The following RTF1 variants were observed in gnomAD, a reference collection of about 807,000 sequenced individuals.
RTF1 encodes RNA polymerase-associated protein RTF1 homolog.
A neutral mutation model predicts 95.7 loss-of-function variants in RTF1; 10 were observed. The ratio of observed to expected loss-of-function variants is 0.10; its 90% CI spans 0.06 to 0.18. The LOEUF (loss-of-function observed/expected upper bound fraction) is 0.18, where lower values mean the gene tolerates loss of function less well. RTF1 is among the 10% of genes least tolerant of loss of function. The pLI is 1.00. For missense variants in RTF1, 458 were observed against 875.6 expected (o/e 0.52, Z 6.02); for synonymous variants, 305 against 311.8 (o/e 0.98, Z 0.23).
intron 2 of RTF1, among the ~76,000 whole-genome samples, chr15:41,444,520 C>T (rs929375088): frequency 1.7e-4 from 26 of 152,154 alleles, no homozygotes; most frequent in African/African-American, 6.0e-4. Flanking sequence ...GTGTTGAACT[C>T]CTGAGCTCAG....
intron 2 of RTF1, among the ~76,000 whole-genome samples, chr15:41,443,815 C>G (rs2050747240): frequency 6.6e-6 from 1 of 151,982 alleles, no homozygotes; most frequent in Non-Finnish European, 1.5e-5. Flanking sequence ...CGCCTGTAAT[C>G]TCAGCACTTT....
chr15:41,426,462 T>C (rs931005810), intron 1 of RTF1, among the ~76,000 whole-genome samples: 5 of 151,846 alleles, frequency 3.3e-5, no homozygotes, highest in Admixed American at 1.3e-4. Flanking sequence ...TGCGCCACCA[T>C]GCCTGACTAA....
At chr15:41,418,629 G>A (rs992213710) in intron 1 of RTF1, among the ~76,000 whole-genome samples, 16 of 152,006 alleles carry the variant, frequency 1.1e-4, no homozygotes, top group African/African-American at 3.9e-4. Flanking sequence ...TGACCAACAT[G>A]GAGAAACCCC....
Position 41,427,234 on chromosome 15 carries a change from C to T in RTF1, c.198+9921C>T, listed in dbSNP as rs569344467. Among the ~76,000 whole-genome samples the T allele has an allele frequency of 1.1e-3, 160 of 149,146 alleles. 1 individual carries two copies. The highest frequency in any genetic ancestry group is 1.2e-3 in the Non-Finnish European group (78 of 67,650). On this transcript the variant is annotated intron_variant, in intron 1 of 17. Transcript: ENST00000389629. ...TGGTGCGATCTCGGCTCACTGCAAG[C>T]TCCGCCTCCCGGGTTCACGCCATTC... is the stretch of plus-strand genomic sequence containing the variant.
chr15:41,423,638 G>A (rs1389816723), intron 1 of RTF1, among the ~76,000 whole-genome samples: 5 of 152,206 alleles, frequency 3.3e-5, no homozygotes, highest in Non-Finnish European at 7.4e-5. Flanking sequence ...CAAAGTGCTG[G>A]GATTACAGGG....
In RTF1 at chr15:41,483,375, C is replaced by T. The variant is rs1334250447; in HGVS notation, c.*2688C>T. 6.6e-6 allele frequency: 1 copy of T among 152,606 alleles called. No individual in the cohort carries two copies. The highest frequency in any genetic ancestry group is 1.5e-5 in the Non-Finnish European group (1 of 68,050). The allele number at this position is 152,606 out of a possible 1,614,324, so 9.5% of individuals were successfully genotyped here. ...CAGTTCCTTCCAAGAAGCAAAAAGG[C>T]CAGTGTCCATCTGCCTAGTTCATAA... On this transcript the variant is annotated 3_prime_UTR_variant, in exon 18 of 18. Coordinates refer to ENST00000389629, the MANE Select transcript of RTF1 (RefSeq NM_015138.5).
chr15:41,474,796 C>A, intron 9 of RTF1, 94 bp downstream of exon 9: 3 of 904,488 alleles, frequency 3.3e-6, no homozygotes, highest in Non-Finnish European at 5.6e-6. Context: ...TCCTTGTTAC[C>A]ATGAACGCTA....
chr15:41,424,209 A>G (rs1483661254), intron 1 of RTF1, among the ~76,000 whole-genome samples: 1 of 152,188 alleles, frequency 6.6e-6, no homozygotes, highest in Admixed American at 6.6e-5. Flanking sequence ...TTTCCTTACA[A>G]TTGCACTACA....
chr15:41,475,685 TA>T, intron 10 of RTF1, 26 bp from the exon 11 acceptor site: 11 of 1,598,950 alleles, frequency 6.9e-6, no homozygotes, highest in Non-Finnish European at 9.4e-6. Context: ...CCCTTACTAA[TA>T]ATCTCGTATC....
intron 2 of RTF1, among the ~76,000 whole-genome samples, chr15:41,447,785 AT>A (rs1440987413): frequency 6.6e-6 from 1 of 151,880 alleles, no homozygotes; most frequent in Non-Finnish European, 1.5e-5. Context: ...GTGGGTGCTC[AT>A]TTTCTCATTC....
chr15:41,451,082 T>A (rs1295529999), intron 2 of RTF1, among the ~76,000 whole-genome samples: 2 of 152,122 alleles, frequency 1.3e-5, no homozygotes, highest in African/African-American at 4.8e-5. Context: ...GAACTACACC[T>A]CTACCCAACC....
chr15:41,457,332 G>A (rs548921894), intron 3 of RTF1, among the ~76,000 whole-genome samples: 5 of 152,244 alleles, frequency 3.3e-5, no homozygotes, highest in East Asian at 1.9e-4. Flanking sequence ...TCAGGAGTTC[G>A]AGACCAGCCT....
At chr15:41,443,128 G>A (rs1209096352) in intron 2 of RTF1, among the ~76,000 whole-genome samples, 1 of 152,140 alleles carries the variant, frequency 6.6e-6, no homozygotes, top group African/African-American at 2.4e-5. Flanking sequence ...TAAAATCAGA[G>A]ACATGCACTG....
intron 1 of RTF1, among the ~76,000 whole-genome samples, chr15:41,425,355 C>G (rs1441459438): frequency 6.6e-6 from 1 of 152,060 alleles, no homozygotes; most frequent in Non-Finnish European, 1.5e-5. Context: ...CTGCCCGCCT[C>G]GGCCTCCCAA....
At chr15:41,441,057 C>T (rs1475840608) in intron 2 of RTF1, among the ~76,000 whole-genome samples, 3 of 149,516 alleles carry the variant, frequency 2.0e-5, no homozygotes, top group Admixed American at 6.6e-5. Flanking sequence ...CTGCAAGCTC[C>T]GCCTCCTGGG....
chr15:41,455,748 G>T (rs1467576040), intron 3 of RTF1, among the ~76,000 whole-genome samples: 2 of 149,984 alleles, frequency 1.3e-5, no homozygotes, highest in Non-Finnish European at 3.0e-5. Flanking sequence ...AGTGAGCCGA[G>T]ATCAGGCAAT....
chr15:41,478,105 A>T (rs954201312), intron 14 of RTF1, among the ~76,000 whole-genome samples: 1 of 147,634 alleles, frequency 6.8e-6, no homozygotes, highest in Non-Finnish European at 1.5e-5. Flanking sequence ...TCCATTTAAA[A>T]AATAAAAAAA....
At chr15:41,437,424 A>T (rs2050710305) in intron 1 of RTF1, among the ~76,000 whole-genome samples, 1 of 151,836 alleles carries the variant, frequency 6.6e-6, no homozygotes, top group South Asian at 2.1e-4. Context: ...TGAACCCGGG[A>T]GGCAGAGCTT....
At chr15:41,477,600 T>G (rs930410230) in intron 14 of RTF1, 85 bp downstream of exon 14, 1 of 1,295,194 alleles carries the variant, frequency 7.7e-7, no homozygotes. Flanking sequence ...AGTTTATTTT[T>G]TAATTATTGA....
Sources: gnomAD v4.1 joint callset for allele counts (sites outside exome capture counted in the v4.1 genomes callset) on GRCh38, gnomAD v4.1.1 for gene constraint, MANE v1.5 for transcripts, NCBI Gene and HGNC (gene_info 2026-07-23, HGNC 2026-07-21) for gene names.